CEP97: variants seen among roughly 807,000 people sequenced by gnomAD.
CEP97 encodes the protein centrosomal protein of 97 kDa.
Under a neutral mutation model 73.1 loss-of-function variants are expected in CEP97, and 43 were observed. That is an observed-to-expected ratio of 0.59 (90% CI 0.46 to 0.76). The LOEUF is 0.76. Ranked by LOEUF, CEP97 falls within the 30% of genes least tolerant of loss-of-function variation. The probability of loss-of-function intolerance (pLI) is 0.00; values close to 1 mark genes in which losing one functional copy is unlikely to be tolerated. For synonymous variants in CEP97, 337 were observed against 370.0 expected (o/e 0.91, Z 1.02); for missense variants, 939 against 1,014.0 (o/e 0.93, Z 1.00).
chr3:101,740,821 T>G (rs1938427087), intron 6 of CEP97, among the ~76,000 whole-genome samples: 1 of 152,196 alleles, frequency 6.6e-6, no homozygotes, highest in Non-Finnish European at 1.5e-5. Context: ...ACTCCCTACC[T>G]CAGGTGATCC....
chr3:101,761,966 A>G (rs944335617), intron 9 of CEP97, among the ~76,000 whole-genome samples: 2 of 152,172 alleles, frequency 1.3e-5, no homozygotes, highest in African/African-American at 4.8e-5. Flanking sequence ...GTTAGCAAGG[A>G]GTAGGTCGGA....
At chr3:101,730,574 A>ATTT (rs11293857) in intron 4 of CEP97, among the ~76,000 whole-genome samples, 7 of 144,488 alleles carry the variant, frequency 4.8e-5, no homozygotes, top group Non-Finnish European at 9.0e-5. Flanking sequence ...CCAAGTCTGG[A>ATTT]TTTTTTTTTT....
At position 101,764,852 on chromosome 3, in the gene CEP97, G is replaced by T. The variant is rs769221416; in HGVS notation, c.1899G>T (p.Arg633Ser). The change falls in exon 11 of 11, where the codon AGG becomes AGT. Residue 633 changes from arginine to serine, a missense_variant. Transcript: ENST00000341893. ...EAFRFLWNQV[R>S]SLQVWQQTVD... is the part of the protein sequence containing the mutation. ...CTGTATTCTCTGGTTTATAGGTAAG[G>T]TCTCTACAGGTTTGGCAACAGACAG... is the stretch of plus-strand genomic sequence containing the variant. The T allele has an allele frequency of 1.8e-4, 289 of 1,600,222 alleles. No homozygotes were observed. The highest frequency in any genetic ancestry group is 2.4e-4 in the Non-Finnish European group (285 of 1,175,894).
At chr3:101,743,604 C>T (rs545732327) in intron 6 of CEP97, among the ~76,000 whole-genome samples, 28 of 152,164 alleles carry the variant, frequency 1.8e-4, no homozygotes, top group South Asian at 4.1e-4. Flanking sequence ...CTGTGTTGCC[C>T]GGGCTGGTCT....
At chr3:101,758,499 T>C in intron 9 of CEP97, 76 bp downstream of exon 9, 1 of 1,517,428 alleles carries the variant, frequency 6.6e-7, no homozygotes, top group East Asian at 2.3e-5. Flanking sequence ...TTCAGAACAC[T>C]GTGCTTCTGT....
chr3:101,749,442 C>T (rs1183907110), intron 6 of CEP97, among the ~76,000 whole-genome samples: 2 of 133,722 alleles, frequency 1.5e-5, no homozygotes, highest in South Asian at 4.9e-4. Context: ...GTGAATAGTG[C>T]TGCAATAAAC....
rs761345831 is a variant in CEP97, at chr3:101,724,638, GGGA to G, written c.-35_-33del. On this transcript the variant is annotated 5_prime_UTR_variant, in exon 1 of 11. Transcript: ENST00000341893. ...CAGATTACAAGCTCCACAGAGCCGC[GGGA>G]GGACGGTTGCCTGGTATTATTAGCA... The G allele has an allele frequency of 4.3e-6, 7 of 1,613,384 alleles. No homozygotes were observed. The highest frequency in any genetic ancestry group is 5.9e-6 in the Non-Finnish European group (7 of 1,179,412).
At chr3:101,745,508 C>T (rs1938584783) in intron 6 of CEP97, among the ~76,000 whole-genome samples, 1 of 151,654 alleles carries the variant, frequency 6.6e-6, no homozygotes, top group Non-Finnish European at 1.5e-5. Flanking sequence ...TCATTGGATC[C>T]TCCCGCCTCA....
intron 6 of CEP97, among the ~76,000 whole-genome samples, chr3:101,736,939 C>G (rs1008175782): frequency 6.6e-6 from 1 of 152,164 alleles, no homozygotes; most frequent in Non-Finnish European, 1.5e-5. Flanking sequence ...AAGCTAAGAA[C>G]CTTGAACAAA....
chr3:101,752,211 A>G (rs1455354636), intron 6 of CEP97, among the ~76,000 whole-genome samples: 1 of 152,156 alleles, frequency 6.6e-6, no homozygotes, highest in Non-Finnish European at 1.5e-5. Flanking sequence ...AGAATGTTGA[A>G]TATTATTGGC....
chr3:101,746,659 A>G (rs1439360079), intron 6 of CEP97, among the ~76,000 whole-genome samples: 3 of 152,060 alleles, frequency 2.0e-5, no homozygotes, highest in African/African-American at 7.2e-5. Flanking sequence ...AATGGCAACA[A>G]AAGATAAAAT....
chr3:101,754,595 C>T (rs1000127307), intron 6 of CEP97, among the ~76,000 whole-genome samples: 1 of 152,196 alleles, frequency 6.6e-6, no homozygotes, highest in Admixed American at 6.5e-5. Context: ...GGCTTGCACT[C>T]AGATCACAGA....
At chr3:101,762,616 C>G (rs1349876944) in intron 10 of CEP97, 56 bp downstream of exon 10, 2 of 1,329,618 alleles carry the variant, frequency 1.5e-6, no homozygotes, top group African/African-American at 2.9e-5. Context: ...ATTCTATATT[C>G]ATTGAGATAA....
chr3:101,756,328 G>C (rs558695272), intron 7 of CEP97, among the ~76,000 whole-genome samples: 26 of 151,688 alleles, frequency 1.7e-4, no homozygotes, highest in Non-Finnish European at 3.5e-4. Context: ...CAAAGTGCTG[G>C]GATTACAGTC....
chr3:101,758,135 A>G lies in CEP97; in HGVS notation c.1529A>G (p.Gln510Arg). ...ACATTTTTTCCTGAGTCAACTGAGCAGAAACAATCAGACATAAAGAAACCA... is the reference window on the plus strand; with the variant it reads ...ACATTTTTTCCTGAGTCAACTGAGCGGAAACAATCAGACATAAAGAAACCA... ...SLTFFPESTEQKQSDIKKPEN... is the reference protein window; with the variant it reads ...SLTFFPESTERKQSDIKKPEN... The change falls in exon 9 of 11, where the codon CAG (glutamine) becomes CGG (arginine). Residue 510 changes from glutamine to arginine, a missense_variant. Gln to Arg is a conservative substitution (Grantham distance 43). Coordinates refer to ENST00000341893, the MANE Select transcript of CEP97 (RefSeq NM_024548.4). 6.2e-7 allele frequency: 1 copy of G among 1,614,220 alleles called. No homozygotes were observed. The highest frequency in any genetic ancestry group is 1.1e-5 in the South Asian group (1 of 91,086).
intron 6 of CEP97, among the ~76,000 whole-genome samples, chr3:101,742,855 T>A (rs1031141192): frequency 7.3e-4 from 110 of 151,592 alleles, no homozygotes; most frequent in Non-Finnish European, 1.4e-3. Flanking sequence ...CTCAAAAAAA[T>A]AAATAAATAA....
chr3:101,751,666 A>G (rs908139386), intron 6 of CEP97, among the ~76,000 whole-genome samples: 3 of 152,164 alleles, frequency 2.0e-5, no homozygotes, highest in South Asian at 2.1e-4. Flanking sequence ...ACCATTATGT[A>G]ATGACCTTCT....
At chr3:101,746,404 C>T (rs1036213923) in intron 6 of CEP97, among the ~76,000 whole-genome samples, 3 of 144,222 alleles carry the variant, frequency 2.1e-5, no homozygotes, top group African/African-American at 7.7e-5. Context: ...CTTTGACAAA[C>T]CTGAGAAAAA....
In CEP97 at chr3:101,764,913, C is replaced by T; in HGVS notation, c.1960C>T (p.Pro654Ser). The T allele has an allele frequency of 6.2e-7, 1 of 1,614,066 alleles. No homozygotes were observed. ...QRLSSWHTDVPPISSTLVPSK... is the reference protein window; with the variant it reads ...QRLSSWHTDVSPISSTLVPSK... Reference sequence around the variant, plus strand: ...TCTAAGTTCCTGGCATACTGATGTTCCTCCTATATCAAGTACTCTTGTGCC... The same window carrying T: ...TCTAAGTTCCTGGCATACTGATGTTTCTCCTATATCAAGTACTCTTGTGCC... The change falls in exon 11 of 11, where the codon CCT becomes TCT. Residue 654 changes from proline (P) to serine (S), a missense_variant. Pro to Ser is a moderately conservative substitution (Grantham distance 74). Coordinates refer to ENST00000341893, the MANE Select transcript of CEP97 (RefSeq NM_024548.4).
Sources: gnomAD v4.1 joint callset for allele counts (sites outside exome capture counted in the v4.1 genomes callset) on GRCh38, gnomAD v4.1.1 for gene constraint, MANE v1.5 for transcripts, NCBI Gene and HGNC (gene_info 2026-07-23, HGNC 2026-07-21) for gene names.